The following SNX32 variants were observed in gnomAD, a reference collection of about 807,000 sequenced individuals.
SNX32 encodes sorting nexin 32.
A neutral mutation model predicts 57.0 loss-of-function variants in SNX32; 58 were observed. The observed-to-expected ratio is 1.02, with a 90% CI of 0.82 to 1.27. SNX32 has a LOEUF of 1.27. Among genes scored for constraint, SNX32 ranks in the 50% most tolerant of loss-of-function variants. SNX32 has a pLI of 0.00. For missense variants in SNX32, 589 were observed against 541.2 expected (o/e 1.09, Z -0.88); for synonymous variants, 262 against 220.4 (o/e 1.19, Z -1.67).
At chr11:65,841,680 G>C (rs1165783755) in intron 1 of SNX32, among the ~76,000 whole-genome samples, 1 of 151,986 alleles carries the variant, frequency 6.6e-6, no homozygotes, top group Non-Finnish European at 1.5e-5. Context: ...ATTGCAGTGA[G>C]CCGAGATTGC....
intron 2 of SNX32, 126 bp downstream of exon 2, chr11:65,849,708 G>A (rs1401781953): frequency 1.1e-6 from 1 of 905,014 alleles, no homozygotes; most frequent in Non-Finnish European, 1.8e-6. Context: ...CTTGCCCTCA[G>A]CCCCTCCTGG....
Position 65,839,223 on chromosome 11 carries a change from GTATTTTTTT to G in SNX32, c.36+5124_36+5132del, listed in dbSNP as rs1474607722. Among the ~76,000 whole-genome samples the G allele has an allele frequency of 3.0e-4, 7 of 23,078 alleles. 2 individuals carry two copies. Among genetic ancestry groups the G allele is most frequent in the Non-Finnish European group, 2.8e-4 (4 of 14,078 alleles). 15.1% of individuals were successfully genotyped at this position (23,078 alleles called of 152,430 possible). A position where few individuals can be genotyped will look rare whatever the true frequency, so the allele number is the denominator to read the frequency against. ...CCCACCACGCCCAGCTAATTTTTTT[GTATTTTTTT>G]TTTTTTTTTTTTTTTGAGACGGAGT... On this transcript the variant is annotated intron_variant, in intron 1 of 12. Transcript: ENST00000308342.
intron 1 of SNX32, among the ~76,000 whole-genome samples, chr11:65,837,815 C>G (rs1271518803): frequency 5.6e-5 from 1 of 17,902 alleles, no homozygotes; most frequent in Non-Finnish European, 1.5e-4. Context: ...GCAAGACTCT[C>G]TCAAAAAAAA....
chr11:65,851,186 A>T, intron 7 of SNX32, 26 bp downstream of exon 7: 1 of 1,603,908 alleles, frequency 6.2e-7, no homozygotes, highest in East Asian at 2.2e-5. Flanking sequence ...GGGGTCCTGG[A>T]TCCCCCTGCC....
rs553017499 is a variant in SNX32, at chr11:65,847,885, G to A, written c.37-1593G>A. Among the ~76,000 whole-genome samples, 379 of 152,002 alleles carry A rather than the reference G, an allele frequency of 2.5e-3. 2 individuals are homozygous for A. Among genetic ancestry groups the A allele is most frequent in the Non-Finnish European group, 4.7e-3 (321 of 67,992 alleles). On this transcript the variant is annotated intron_variant, in intron 1 of 12. Transcript: ENST00000308342. ...AGATCACTTCACTGCACTCCAACCT[G>A]GGTGACAGAGCAAGATGCTATCAAA...
Position 65,834,096 on chromosome 11 carries a change from G to T in SNX32, c.31G>T (p.Gly11Cys). ...GACGTATGCGGAGGTTGGGAAGGAG[G>T]GCAAGGTAGAGAAAGGATGAAGACC... METYAEVGKE[G>C]KPSCASVDLQ... is the part of the protein sequence containing the mutation. Residue 11 changes from glycine to cysteine, a missense_variant, in exon 1 of 13, where the codon GGC becomes TGC. Gly to Cys is a radical substitution (Grantham distance 159). Coordinates refer to ENST00000308342, the MANE Select transcript of SNX32 (RefSeq NM_152760.3). The T allele has an allele frequency of 6.4e-7, 1 of 1,551,328 alleles. No individual in the cohort carries two copies. The highest frequency in any genetic ancestry group is 8.7e-7 in the Non-Finnish European group (1 of 1,146,822).
intron 6 of SNX32, 31 bp downstream of exon 6, chr11:65,850,886 C>T (rs759907081): frequency 6.3e-7 from 1 of 1,587,868 alleles, no homozygotes. Flanking sequence ...CCGGATTCAA[C>T]CCAGCACCTC....
At chr11:65,839,934 G>A (rs957100399) in intron 1 of SNX32, among the ~76,000 whole-genome samples, 3 of 151,686 alleles carry the variant, frequency 2.0e-5, no homozygotes, top group East Asian at 3.9e-4. Context: ...CGAGGTGGGC[G>A]GATCACCTGA....
intron 1 of SNX32, among the ~76,000 whole-genome samples, chr11:65,834,852 G>T (rs1033968998): frequency 1.3e-5 from 2 of 151,018 alleles, no homozygotes; most frequent in Non-Finnish European, 3.0e-5. Flanking sequence ...TTCTGGGTCT[G>T]TGTGTGTGTT....
Position 65,852,928 on chromosome 11 carries a change from G to C in SNX32, c.1128G>C (p.Glu376Asp). 1 of 1,614,148 alleles carries C rather than the reference G, an allele frequency of 6.2e-7. No homozygotes were observed. The highest frequency in any genetic ancestry group is 8.5e-7 in the Non-Finnish European group (1 of 1,180,006). The change falls in exon 12 of 13, where the codon GAG (glutamate) becomes GAC (aspartate). Residue 376 changes from glutamate to aspartate, a missense_variant. Glu to Asp is a conservative substitution (Grantham distance 45, BLOSUM62 2). Coordinates refer to ENST00000308342, the MANE Select transcript of SNX32 (RefSeq NM_152760.3). ...RVSSFRKNLI[E>D]LAELELKHAK... ...CCTCTTTTCGAAAGAATCTCATTGA[G>C]CTGGCAGAGCTGGAGCTCAAACACG... is the stretch of plus-strand genomic sequence containing the variant.
intron 1 of SNX32, among the ~76,000 whole-genome samples, chr11:65,847,714 A>G (rs1446901161): frequency 1.3e-5 from 2 of 152,170 alleles, no homozygotes; most frequent in Non-Finnish European, 2.9e-5. Flanking sequence ...GTTCAAGACC[A>G]GTCTGGCCAA....
At chr11:65,847,996 GC>G (rs1187924786) in intron 1 of SNX32, among the ~76,000 whole-genome samples, 1 of 152,152 alleles carries the variant, frequency 6.6e-6, no homozygotes, top group Non-Finnish European at 1.5e-5. Context: ...ATGCCGGACA[GC>G]CAGGAGGAGG....
chr11:65,837,819 A>AG (rs2134687824), intron 1 of SNX32, among the ~76,000 whole-genome samples: 1 of 146,748 alleles, frequency 6.8e-6, no homozygotes, highest in African/African-American at 2.6e-5. Context: ...GACTCTCTCA[A>AG]AAAAAAAAAA....
intron 1 of SNX32, among the ~76,000 whole-genome samples, chr11:65,839,746 A>T (rs992111702): frequency 5.9e-5 from 9 of 152,090 alleles, no homozygotes; most frequent in African/African-American, 1.9e-4. Flanking sequence ...AAAAAAAAAA[A>T]AAATTATCAA....
At chr11:65,842,176 T>G (rs1272976342) in intron 1 of SNX32, among the ~76,000 whole-genome samples, 1 of 152,206 alleles carries the variant, frequency 6.6e-6, no homozygotes, top group Non-Finnish European at 1.5e-5. Flanking sequence ...AGGATAAACA[T>G]TTAGACCAAT....
chr11:65,844,302 CAG>C (rs1285424094), intron 1 of SNX32, among the ~76,000 whole-genome samples: 2 of 152,122 alleles, frequency 1.3e-5, no homozygotes, highest in East Asian at 1.9e-4. Flanking sequence ...ACCAATGGAA[CAG>C]AGAGTCCAAA....
chr11:65,853,065 A>G (rs1859271796), intron 12 of SNX32, 107 bp downstream of exon 12: 1 of 1,329,450 alleles, frequency 7.5e-7, no homozygotes, highest in Non-Finnish European at 1.1e-6. Flanking sequence ...GCACGCATGT[A>G]TGCGCGTGTG....
Position 65,850,041 on chromosome 11 carries a change from G to T in SNX32, c.252+11G>T. On this transcript the variant is annotated intron_variant, in intron 3 of 12. Transcript: ENST00000308342. ...TACGCCGGCCTCATCGTGAGGAGGGGCTGGGCAGGGGCTGGGAGGGACAGG... is the reference window on the plus strand; with the variant it reads ...TACGCCGGCCTCATCGTGAGGAGGGTCTGGGCAGGGGCTGGGAGGGACAGG... 1 of 1,614,112 alleles carries T rather than the reference G, an allele frequency of 6.2e-7. No homozygotes were observed. Among genetic ancestry groups the T allele is most frequent in the Non-Finnish European group, 8.5e-7 (1 of 1,179,940 alleles).
chr11:65,835,235 G>C (rs1458504609), intron 1 of SNX32, among the ~76,000 whole-genome samples: 1 of 151,914 alleles, frequency 6.6e-6, no homozygotes, highest in Non-Finnish European at 1.5e-5. Flanking sequence ...AAGGGAGGCA[G>C]GGTTTTGCCT....
Sources: allele counts gnomAD v4.1 joint callset (sites outside exome capture counted in the v4.1 genomes callset), GRCh38; gene constraint gnomAD v4.1.1; transcripts MANE v1.5; gene names NCBI Gene and HGNC (gene_info 2026-07-23, HGNC 2026-07-21).